Variants in HHIP observed in about 807,000 individuals in gnomAD.
The protein encoded by HHIP is hedgehog interacting protein, also known as hedgehog-interacting protein.
HHIP carries 12 observed loss-of-function variants against 74.0 expected under a neutral mutation model. The observed-to-expected ratio is 0.16, with a 90% CI of 0.10 to 0.26. HHIP has a LOEUF of 0.26. Among genes scored for constraint, HHIP ranks in the 10% least tolerant of loss-of-function variants. The pLI is 1.00. For missense variants in HHIP, 788 were observed against 845.0 expected (o/e 0.93, Z 0.84); for synonymous variants, 309 against 311.6 (o/e 0.99, Z 0.09).
chr4:144,737,875 G>T lies in HHIP; in HGVS notation c.2021G>T (p.Arg674Leu). 3 of 1,613,718 alleles carry T rather than the reference G, an allele frequency of 1.9e-6. No homozygotes were observed. Among genetic ancestry groups the T allele is most frequent in the Non-Finnish European group, 2.5e-6 (3 of 1,179,738 alleles). Residue 674 changes from arginine (R) to leucine (L), a missense_variant, in exon 13 of 13, where the codon CGC becomes CTC. Arg to Leu is a moderately radical substitution (Grantham distance 102, BLOSUM62 -2). Coordinates refer to ENST00000296575, the MANE Select transcript of HHIP (RefSeq NM_022475.3). ...TGTGAACAAGTGGACAGAAACATCC[G>T]CAGAGTGACCAGGGCAGGTATTCTT... ...PQCEQVDRNI[R>L]RVTRAGILDQ...
chr4:144,726,211 C>CT lies in HHIP; in HGVS notation c.1760+7261dup, dbSNP rs567330719. On this transcript the variant is annotated intron_variant, in intron 11 of 12. Coordinates refer to ENST00000296575, the MANE Select transcript of HHIP (RefSeq NM_022475.3). ...TTATATTAGGAAGCAATGGCATTGG[C>CT]TTTTTTATTATAACCTAATTATTTA... Among the ~76,000 whole-genome samples, 968 of 152,102 alleles carry CT rather than the reference C, an allele frequency of 6.4e-3. 9 individuals carry two copies. Among genetic ancestry groups the CT allele is most frequent in the African/African-American group, 0.023 (938 of 41,502 alleles).
intron 11 of HHIP, among the ~76,000 whole-genome samples, chr4:144,725,294 T>A (rs1730764543): frequency 6.6e-6 from 1 of 152,170 alleles, no homozygotes; most frequent in Non-Finnish European, 1.5e-5. Flanking sequence ...ATTTAAAAAA[T>A]TTGTTACTTA....
At chr4:144,650,795 G>A (rs1728397776) in intron 1 of HHIP, 1 of 152,094 alleles carries the variant, frequency 6.6e-6, no homozygotes, top group South Asian at 2.1e-4. Context: ...AATGTTTGAT[G>A]AGAGATCTGT....
Position 144,740,818 on chromosome 4 carries a change from A to G in HHIP, c.*2861A>G, listed in dbSNP as rs1731245856. 1 of 152,344 alleles carries G rather than the reference A, an allele frequency of 6.6e-6. No homozygotes were observed. Among genetic ancestry groups the G allele is most frequent in the East Asian group, 1.9e-4 (1 of 5,192 alleles). The allele number at this position is 152,344 out of a possible 1,614,324, so 9.4% of individuals were successfully genotyped here. On this transcript the variant is annotated 3_prime_UTR_variant, in exon 13 of 13. Coordinates refer to ENST00000296575, the MANE Select transcript of HHIP (RefSeq NM_022475.3). The stretch of plus-strand genomic sequence containing the variant: ...ATACTGATGCATAAGATAAAGACGA[A>G]ATAATGAAAAAGAAAAATGTATATT...
At chr4:144,669,458 A>T (rs1267169945) in intron 4 of HHIP, among the ~76,000 whole-genome samples, 1 of 152,222 alleles carries the variant, frequency 6.6e-6, no homozygotes, top group Non-Finnish European at 1.5e-5. Flanking sequence ...ATTTTACTCA[A>T]TCTGTACATG....
intron 4 of HHIP, among the ~76,000 whole-genome samples, chr4:144,673,448 C>A (rs577254754): frequency 9.2e-5 from 14 of 152,170 alleles, no homozygotes; most frequent in Admixed American, 3.3e-4. Flanking sequence ...GCTCACTCTA[C>A]GCCAGTTGTA....
intron 4 of HHIP, among the ~76,000 whole-genome samples, chr4:144,683,146 T>G (rs775807075): frequency 2.6e-5 from 4 of 152,218 alleles, no homozygotes; most frequent in Non-Finnish European, 5.9e-5. Context: ...TTTTGAAACA[T>G]TATTAATTTG....
Position 144,646,858 on chromosome 4 carries a change from G to C in HHIP, c.183G>C (p.Leu61=). ...RDRRMMSQLE[L]LSGGEMLCGG... ...GGAGGATGATGTCCCAGCTGGAGCT[G>C]CTGAGTGGGGGAGAGATGCTGTGCG... Residue 61 remains leucine (L), a synonymous_variant, in exon 1 of 13, where the codon CTG becomes CTC. Transcript: ENST00000296575. 1 of 1,614,240 alleles carries C rather than the reference G, an allele frequency of 6.2e-7. No homozygotes were observed. The highest frequency in any genetic ancestry group is 1.1e-5 in the South Asian group (1 of 91,088).
At chr4:144,678,296 A>G (rs1339666188) in intron 4 of HHIP, among the ~76,000 whole-genome samples, 1 of 152,184 alleles carries the variant, frequency 6.6e-6, no homozygotes, top group African/African-American at 2.4e-5. Flanking sequence ...ACTTTGAAAT[A>G]TTTTGTACCC....
intron 7 of HHIP, 72 bp downstream of exon 7, chr4:144,708,383 A>C (rs1730206576): frequency 3.4e-6 from 5 of 1,485,374 alleles, no homozygotes; most frequent in Non-Finnish European, 4.7e-6. Flanking sequence ...AAAATATAGC[A>C]TAGAGCATAT....
At chr4:144,722,312 T>C (rs1730661271) in intron 11 of HHIP, among the ~76,000 whole-genome samples, 1 of 152,218 alleles carries the variant, frequency 6.6e-6, no homozygotes, top group Non-Finnish European at 1.5e-5. Context: ...GCACTCAGCA[T>C]AGATTATTTC....
rs1731178416 is a variant in HHIP at position 144,738,333 on chromosome 4, AG to A, written c.*377del. ...TGTAATCACTAAAGTCAACTTTAATAGAGTTTTGAAACAGTACTGTGCAATC... is the reference window on the plus strand; with the variant it reads ...TGTAATCACTAAAGTCAACTTTAATAAGTTTTGAAACAGTACTGTGCAATC... On this transcript the variant is annotated 3_prime_UTR_variant, in exon 13 of 13. Transcript: ENST00000296575. 1 of 982,360 alleles carries A rather than the reference AG, an allele frequency of 1.0e-6. No homozygotes were observed. The highest frequency in any genetic ancestry group is 1.7e-5 in the African/African-American group (1 of 57,178). 60.9% of individuals were successfully genotyped at this position (982,360 alleles called of 1,614,324 possible).
intron 4 of HHIP, among the ~76,000 whole-genome samples, chr4:144,694,706 G>GA (rs1207130189): frequency 5.3e-5 from 8 of 150,122 alleles, no homozygotes; most frequent in South Asian, 2.1e-4. Flanking sequence ...CCTGACAGGA[G>GA]AAAAAAAAAT....
intron 4 of HHIP, among the ~76,000 whole-genome samples, chr4:144,703,613 G>A (rs1037941866): frequency 4.6e-5 from 7 of 152,158 alleles, no homozygotes; most frequent in African/African-American, 1.7e-4. Context: ...TTTGGGCTAG[G>A]GGATCAGACC....
intron 4 of HHIP, among the ~76,000 whole-genome samples, chr4:144,690,897 T>C (rs1729640970): frequency 6.6e-6 from 1 of 152,126 alleles, no homozygotes. Flanking sequence ...GATTTTTTTT[T>C]AACCTCCATT....
intron 4 of HHIP, among the ~76,000 whole-genome samples, chr4:144,700,559 TC>T (rs1383851924): frequency 2.6e-5 from 4 of 152,166 alleles, no homozygotes; most frequent in Non-Finnish European, 4.4e-5. Flanking sequence ...AATCACAAGT[TC>T]TTAAAAGTGG....
At chr4:144,697,749 T>C (rs890191369) in intron 4 of HHIP, among the ~76,000 whole-genome samples, 9 of 152,104 alleles carry the variant, frequency 5.9e-5, no homozygotes, top group Non-Finnish European at 1.3e-4. Flanking sequence ...CTAATAGTTA[T>C]AAGTATATAA....
At chr4:144,720,584 T>C (rs975944509) in intron 11 of HHIP, among the ~76,000 whole-genome samples, 1 of 152,056 alleles carries the variant, frequency 6.6e-6, no homozygotes, top group African/African-American at 2.4e-5. Flanking sequence ...TGATCTTAGT[T>C]CTCCTCTAGT....
At chr4:144,684,965 C>T (rs1375811307) in intron 4 of HHIP, among the ~76,000 whole-genome samples, 1 of 152,196 alleles carries the variant, frequency 6.6e-6, no homozygotes, top group African/African-American at 2.4e-5. Context: ...GGAACAATTT[C>T]CATGTACTTT....
Sources: allele counts gnomAD v4.1 joint callset (sites outside exome capture counted in the v4.1 genomes callset), GRCh38; gene constraint gnomAD v4.1.1; transcripts MANE v1.5; gene names NCBI Gene and HGNC (gene_info 2026-07-23, HGNC 2026-07-21).